CNTNAP2: variants seen among roughly 807,000 people sequenced by gnomAD.
CNTNAP2 encodes the protein contactin-associated protein-like 2.
CNTNAP2 carries 98 observed loss-of-function variants against 155.2 expected under a neutral mutation model. That is an observed-to-expected ratio of 0.63 (90% CI 0.54 to 0.75). The LOEUF (loss-of-function observed/expected upper bound fraction) is 0.75. Among genes scored for constraint, CNTNAP2 ranks in the 30% least tolerant of loss-of-function variants. The pLI is 0.00. For synonymous variants in CNTNAP2, 651 were observed against 631.2 expected (o/e 1.03, Z -0.47); for missense variants, 1,727 against 1,688.1 (o/e 1.02, Z -0.40).
chr7:147,954,219 T>C (rs1320148460), intron 14 of CNTNAP2, among the ~76,000 whole-genome samples: 1 of 152,116 alleles, frequency 6.6e-6, no homozygotes, highest in Non-Finnish European at 1.5e-5. Flanking sequence ...CAACATAACT[T>C]TTTTTCTTTT....
chr7:147,274,354 T>C (rs753437402), intron 8 of CNTNAP2, among the ~76,000 whole-genome samples: 7 of 152,312 alleles, frequency 4.6e-5, no homozygotes, highest in Non-Finnish European at 1.0e-4. Context: ...TTCTGACTTG[T>C]ATAAGATGAT....
intron 3 of CNTNAP2, 29 bp from the exon 4 acceptor site, chr7:147,043,878 A>G: frequency 3.1e-6 from 5 of 1,613,820 alleles, no homozygotes; most frequent in Non-Finnish European, 4.2e-6. Context: ...TATTTTTCCC[A>G]ATTTTTAAAA....
chr7:146,858,239 G>T (rs982519133), intron 3 of CNTNAP2, among the ~76,000 whole-genome samples: 4 of 152,132 alleles, frequency 2.6e-5, no homozygotes, highest in Non-Finnish European at 5.9e-5. Flanking sequence ...AGGCAAATAT[G>T]ATATACAGAT....
At chr7:147,001,146 G>A (rs775722680) in intron 3 of CNTNAP2, among the ~76,000 whole-genome samples, 17 of 152,050 alleles carry the variant, frequency 1.1e-4, no homozygotes, top group Admixed American at 7.9e-4. Context: ...AAAAATGTCC[G>A]TTCTACCTTT....
At chr7:147,959,105 A>G (rs1316061320) in intron 14 of CNTNAP2, among the ~76,000 whole-genome samples, 4 of 152,174 alleles carry the variant, frequency 2.6e-5, no homozygotes, top group African/African-American at 9.7e-5. Context: ...GTATTTCTCC[A>G]TGCCATATCA....
At position 146,992,792 on chromosome 7, in the gene CNTNAP2, T is replaced by A. The variant is rs1490406940; in HGVS notation, c.403-51115T>A. Among the ~76,000 whole-genome samples, 23 of 152,224 alleles carry A rather than the reference T, an allele frequency of 1.5e-4. No homozygotes were observed. In the South Asian group the frequency reaches 3.7e-3, roughly 25 times the overall value. ...CAAAAATACTTATTATATAAATTTT[T>A]AAATAAATCCTTGCTAGGACTTTGC... On this transcript the variant is annotated intron_variant, in intron 3 of 23. Transcript: ENST00000361727.
intron 1 of CNTNAP2, among the ~76,000 whole-genome samples, chr7:146,681,469 G>C (rs1199891253): frequency 1.3e-5 from 1 of 77,720 alleles, no homozygotes; most frequent in African/African-American, 5.2e-5. Flanking sequence ...CGGGGGGAGA[G>C]GGTAGAGGGT....
At chr7:146,203,503 C>T (rs7780228) in intron 1 of CNTNAP2, among the ~76,000 whole-genome samples, 44,314 of 152,010 alleles carry the variant, frequency 0.29, 7,340 homozygotes, top group African/African-American at 0.45. Context: ...GCTTCCATGA[C>T]CTCTCCAGGA....
intron 1 of CNTNAP2, among the ~76,000 whole-genome samples, chr7:146,181,876 G>T (rs1001387365): frequency 6.6e-6 from 1 of 152,212 alleles, no homozygotes; most frequent in East Asian, 1.9e-4. Context: ...AGAGTGCATG[G>T]CACTCTTGAT....
intron 8 of CNTNAP2, among the ~76,000 whole-genome samples, chr7:147,162,341 A>T (rs1452227575): frequency 6.6e-6 from 1 of 152,192 alleles, no homozygotes; most frequent in African/African-American, 2.4e-5. Context: ...TATTATTATG[A>T]ATAATGTTGT....
intron 11 of CNTNAP2, among the ~76,000 whole-genome samples, chr7:147,512,725 C>T (rs555084021): frequency 2.5e-4 from 38 of 152,180 alleles, no homozygotes; most frequent in African/African-American, 6.7e-4. Flanking sequence ...CTCAAATATG[C>T]GTGGCTTTTG....
intron 10 of CNTNAP2, among the ~76,000 whole-genome samples, chr7:147,417,232 T>C (rs898996875): frequency 6.6e-6 from 1 of 152,222 alleles, no homozygotes; most frequent in Non-Finnish European, 1.5e-5. Flanking sequence ...CAGGCTGCTA[T>C]AACAGAATAC....
At chr7:147,734,207 T>G (rs1796797043) in intron 13 of CNTNAP2, among the ~76,000 whole-genome samples, 1 of 152,212 alleles carries the variant, frequency 6.6e-6, no homozygotes, top group Non-Finnish European at 1.5e-5. Context: ...CCTAATTTAT[T>G]GAGAGTTTTT....
intron 13 of CNTNAP2, among the ~76,000 whole-genome samples, chr7:147,883,427 G>C (rs1395086289): frequency 6.6e-6 from 1 of 152,190 alleles, no homozygotes; most frequent in Non-Finnish European, 1.5e-5. Context: ...GTGATATAAA[G>C]TTATGACACA....
At chr7:147,902,811 TGTATGTGTGTGTGTG>T (rs1799893473) in intron 13 of CNTNAP2, among the ~76,000 whole-genome samples, 3 of 126,604 alleles carry the variant, frequency 2.4e-5, no homozygotes, top group African/African-American at 9.1e-5. Context: ...TGTGTGTGTG[TGTATGTGTGTGTGTG>T]TGTGTGTGTG....
intron 1 of CNTNAP2, among the ~76,000 whole-genome samples, chr7:146,569,080 A>C (rs186014017): frequency 6.6e-6 from 1 of 151,884 alleles, no homozygotes; most frequent in African/African-American, 2.4e-5. Flanking sequence ...GCAGTGGCGC[A>C]ATCTTGGCTC....
At chr7:147,469,533 C>CTTTT (rs1230984606) in intron 10 of CNTNAP2, among the ~76,000 whole-genome samples, 1 of 57,052 alleles carries the variant, frequency 1.8e-5, no homozygotes, top group Non-Finnish European at 3.5e-5. Flanking sequence ...TTTTTTTTTT[C>CTTTT]TGTGAGACAA....
chr7:146,840,034 CATT>C (rs1803690779), intron 3 of CNTNAP2, 130 bp downstream of exon 3: 1 of 1,116,996 alleles, frequency 9.0e-7, no homozygotes. Flanking sequence ...ATTTATTCAT[CATT>C]GTTGATGGAA....
chr7:148,008,755 T>G (rs35925561), intron 15 of CNTNAP2, among the ~76,000 whole-genome samples: 16,131 of 152,238 alleles, frequency 0.11, 1,203 homozygotes, highest in East Asian at 0.24. Flanking sequence ...CAATGACACA[T>G]TCAGCTATTG....
Sources: allele counts gnomAD v4.1 joint callset (sites outside exome capture counted in the v4.1 genomes callset), GRCh38; gene constraint gnomAD v4.1.1; transcripts MANE v1.5; gene names NCBI Gene and HGNC (gene_info 2026-07-23, HGNC 2026-07-21).